Variants in LOC128125814 observed in about 807,000 individuals in gnomAD.
the LOC128125814 span, among the ~76,000 whole-genome samples, chr12:57,519,800 C>CT: frequency 6.6e-6 from 1 of 152,216 alleles, no homozygotes; most frequent in Non-Finnish European, 1.5e-5. Flanking sequence ...GCCTCCTACA[C>CT]TTAAGAGATC....
chr12:57,519,190 A>G, the LOC128125814 span: 4 of 533,442 alleles, frequency 7.5e-6, no homozygotes, highest in East Asian at 1.6e-4. Flanking sequence ...CCTCTGCTCA[A>G]ACCCTCCAAT....
chr12:57,519,671 G>A, the LOC128125814 span, among the ~76,000 whole-genome samples: 2 of 152,238 alleles, frequency 1.3e-5, no homozygotes, highest in African/African-American at 4.8e-5. Context: ...AGGCTGCAGA[G>A]CCAAACGGGG....
the LOC128125814 span, among the ~76,000 whole-genome samples, chr12:57,519,892 C>T: frequency 1.3e-5 from 2 of 152,240 alleles, no homozygotes; most frequent in African/African-American, 4.8e-5. Flanking sequence ...CGGCACCCCT[C>T]CCAAAGGCTT....
chr12:57,519,463 AGAAT>A, the LOC128125814 span, among the ~76,000 whole-genome samples: 1 of 152,208 alleles, frequency 6.6e-6, no homozygotes, highest in Non-Finnish European at 1.5e-5. Context: ...GTATTTGTTA[AGAAT>A]GAATGGATAA....
At chr12:57,519,666 G>A in the LOC128125814 span, among the ~76,000 whole-genome samples, 1 of 152,252 alleles carries the variant, frequency 6.6e-6, no homozygotes, top group African/African-American at 2.4e-5. Context: ...TCAGAAGGCT[G>A]CAGAGCCAAA....
At chr12:57,519,224 A>G in the LOC128125814 span, 4 of 532,890 alleles carry the variant, frequency 7.5e-6, no homozygotes. Context: ...ATGTCATGGA[A>G]GTCACTGAAG....
chr12:57,518,587 A>G, the LOC128125814 span, among the ~76,000 whole-genome samples: 1 of 152,170 alleles, frequency 6.6e-6, no homozygotes, highest in Non-Finnish European at 1.5e-5. Context: ...CTAGTTGCTT[A>G]AGCTAAAAAC....
chr12:57,518,833 A>AT, the LOC128125814 span, among the ~76,000 whole-genome samples: 3 of 151,864 alleles, frequency 2.0e-5, no homozygotes, highest in African/African-American at 7.3e-5. Flanking sequence ...TAATTTTTGT[A>AT]TTTTTAGTAA....
the LOC128125814 span, chr12:57,519,046 C>T: frequency 1.9e-6 from 1 of 523,620 alleles, no homozygotes; most frequent in Non-Finnish European, 3.9e-6. Context: ...CAATCTAGAT[C>T]AATTCACTAC....
At chr12:57,517,971 C>T in the LOC128125814 span, among the ~76,000 whole-genome samples, 4 of 152,106 alleles carry the variant, frequency 2.6e-5, 1 homozygote, top group South Asian at 4.1e-4. Context: ...GGACTACAGG[C>T]GCGTGCCACC....
At chr12:57,519,152 C>T in the LOC128125814 span, 1 of 533,478 alleles carries the variant, frequency 1.9e-6, no homozygotes, top group South Asian at 1.4e-5. Context: ...ATACAGCAGC[C>T]TGAGTGAGCC....
At chr12:57,519,062 C>G in the LOC128125814 span, 3 of 527,194 alleles carry the variant, frequency 5.7e-6, no homozygotes, top group African/African-American at 5.8e-5. Flanking sequence ...ACTACCATCT[C>G]TAAATTACTG....
chr12:57,519,111 C>G, the LOC128125814 span: 1 of 532,298 alleles, frequency 1.9e-6, no homozygotes, highest in Non-Finnish European at 3.8e-6. Context: ...CCCATTTCTT[C>G]TCTTGCCACC....
chr12:57,518,143 CCTA>C, the LOC128125814 span, among the ~76,000 whole-genome samples: 1 of 152,124 alleles, frequency 6.6e-6, no homozygotes, highest in Non-Finnish European at 1.5e-5. Context: ...CCTCCAGCCT[CCTA>C]CTGGTCCTTC....
At chr12:57,519,233 A>C in the LOC128125814 span, 1 of 532,300 alleles carries the variant, frequency 1.9e-6, no homozygotes, top group African/African-American at 1.9e-5. Context: ...AAGTCACTGA[A>C]GGGTTTTGAG....
chr12:57,518,664 C>T, the LOC128125814 span, among the ~76,000 whole-genome samples: 3 of 152,096 alleles, frequency 2.0e-5, no homozygotes, highest in Admixed American at 6.6e-5. Flanking sequence ...AATTTTAACT[C>T]ATTCCTTTTT....
the LOC128125814 span, chr12:57,519,097 T>C: frequency 1.9e-6 from 1 of 531,414 alleles, no homozygotes; most frequent in South Asian, 1.4e-5. Context: ...CTGCAGAAGG[T>C]CTTCCCATTT....
the LOC128125814 span, among the ~76,000 whole-genome samples, chr12:57,519,933 A>G: frequency 2.0e-5 from 3 of 152,246 alleles, 1 homozygote; most frequent in South Asian, 6.2e-4. Context: ...TATCCGCTGC[A>G]GGGTCCAGTA....
At chr12:57,518,930 G>T in the LOC128125814 span, among the ~76,000 whole-genome samples, 2 of 152,194 alleles carry the variant, frequency 1.3e-5, no homozygotes, top group Admixed American at 1.3e-4. Context: ...AAAGTGCTGG[G>T]ATTACAGGTG....
Sources: gnomAD v4.1 joint callset for allele counts (sites outside exome capture counted in the v4.1 genomes callset) on GRCh38, gnomAD v4.1.1 for gene constraint, MANE v1.5 for transcripts.